The following KIAA0825 variants were observed in gnomAD, a reference collection of about 807,000 sequenced individuals.
The protein encoded by KIAA0825 is uncharacterized protein KIAA0825.
Under a neutral mutation model 147.6 loss-of-function variants are expected in KIAA0825, and 119 were observed. The ratio of observed to expected loss-of-function variants is 0.81; its 90% CI spans 0.69 to 0.94. The LOEUF (loss-of-function observed/expected upper bound fraction) is 0.94. KIAA0825 is among the 40% of genes least tolerant of loss of function. The pLI, the probability that KIAA0825 is intolerant of heterozygous loss-of-function variation, is 0.00. For synonymous variants in KIAA0825, 470 were observed against 518.1 expected (o/e 0.91, Z 1.26); for missense variants, 1,381 against 1,472.7 (o/e 0.94, Z 1.02).
intron 15 of KIAA0825, chr5:94,416,183 C>T (rs1170937603): frequency 6.6e-6 from 1 of 152,088 alleles, no homozygotes; most frequent in Non-Finnish European, 1.5e-5. Flanking sequence ...ATTACAGAAA[C>T]TTTAAATGAC....
intron 3 of KIAA0825, among the ~76,000 whole-genome samples, chr5:94,527,003 T>C (rs1287114879): frequency 5.3e-5 from 8 of 151,988 alleles, no homozygotes; most frequent in Non-Finnish European, 1.2e-4. Context: ...TTAAGAACAT[T>C]AGTAGAATCA....
chr5:94,315,163 TAATA>T (rs1355768849), intron 20 of KIAA0825, among the ~76,000 whole-genome samples: 1 of 151,764 alleles, frequency 6.6e-6, no homozygotes, highest in Non-Finnish European at 1.5e-5. Context: ...GTGTTTTAAA[TAATA>T]AATTAGCCTA....
At chr5:94,205,201 T>C in intron 20 of KIAA0825, among the ~76,000 whole-genome samples, 1 of 149,524 alleles carries the variant, frequency 6.7e-6, no homozygotes, top group East Asian at 1.9e-4. Context: ...TATCTGTGGG[T>C]ATGTGTAATT....
intron 13 of KIAA0825, among the ~76,000 whole-genome samples, chr5:94,452,099 T>A (rs1758487050): frequency 1.3e-5 from 2 of 152,208 alleles, no homozygotes. Flanking sequence ...GTAAATGAGG[T>A]AATAACAATA....
chr5:94,346,145 G>A (rs979330452), intron 20 of KIAA0825, among the ~76,000 whole-genome samples: 7 of 152,076 alleles, frequency 4.6e-5, no homozygotes, highest in Non-Finnish European at 1.0e-4. Context: ...CAGAAATTGG[G>A]ATAAGACAAT....
At chr5:94,379,361 AT>A (rs1748047501) in intron 20 of KIAA0825, among the ~76,000 whole-genome samples, 1 of 152,148 alleles carries the variant, frequency 6.6e-6, no homozygotes, top group South Asian at 2.1e-4. Flanking sequence ...TGAATAGTGA[AT>A]TCTTTACCCA....
intron 13 of KIAA0825, among the ~76,000 whole-genome samples, chr5:94,445,021 G>A (rs2150869056): frequency 6.6e-6 from 1 of 152,230 alleles, no homozygotes; most frequent in South Asian, 2.1e-4. Flanking sequence ...ATCTTACACG[G>A]CAGCAACGCT....
intron 6 of KIAA0825, among the ~76,000 whole-genome samples, chr5:94,477,465 A>G (rs1762021679): frequency 6.6e-6 from 1 of 152,014 alleles, no homozygotes; most frequent in East Asian, 1.9e-4. Context: ...TCTACATCCC[A>G]ATTACATTCA....
At chr5:94,579,577 C>A (rs943393622) in intron 2 of KIAA0825, among the ~76,000 whole-genome samples, 1 of 152,172 alleles carries the variant, frequency 6.6e-6, no homozygotes, top group Non-Finnish European at 1.5e-5. Context: ...AAGTTAGAAC[C>A]ACTACCCAGC....
intron 7 of KIAA0825, among the ~76,000 whole-genome samples, chr5:94,476,205 A>T (rs1057455097): frequency 2.0e-5 from 3 of 152,188 alleles, no homozygotes; most frequent in African/African-American, 7.2e-5. Context: ...GTCAGGGTCC[A>T]TTCAAAAAGC....
chr5:94,348,022 T>C (rs1584204965), intron 20 of KIAA0825, among the ~76,000 whole-genome samples: 1 of 151,972 alleles, frequency 6.6e-6, no homozygotes, highest in Admixed American at 6.6e-5. Context: ...AGCAATAGAA[T>C]TAAAGAAGTA....
At chr5:94,528,138 C>T (rs986300134) in intron 3 of KIAA0825, among the ~76,000 whole-genome samples, 3 of 152,146 alleles carry the variant, frequency 2.0e-5, no homozygotes, top group Admixed American at 6.6e-5. Flanking sequence ...GTTGTAATTA[C>T]ACTTTCAGGA....
chr5:94,524,166 A>G, intron 3 of KIAA0825, 68 bp from the exon 4 acceptor site: 1 of 986,058 alleles, frequency 1.0e-6, no homozygotes, highest in Non-Finnish European at 1.5e-6. Context: ...ATAATATCAC[A>G]GGCCCTGAAA....
At chr5:94,489,570 TAA>T (rs200850265) in intron 5 of KIAA0825, among the ~76,000 whole-genome samples, 10 of 119,410 alleles carry the variant, frequency 8.4e-5, no homozygotes, top group Non-Finnish European at 8.9e-5. Flanking sequence ...ACCAGTGACT[TAA>T]AAAAAAAAAA....
At chr5:94,530,694 C>T (rs1301798556) in intron 3 of KIAA0825, among the ~76,000 whole-genome samples, 1 of 152,122 alleles carries the variant, frequency 6.6e-6, no homozygotes, top group Non-Finnish European at 1.5e-5. Context: ...AGGCACCACC[C>T]AACATGAAAG....
At chr5:94,504,539 T>A (rs1765481940) in intron 5 of KIAA0825, among the ~76,000 whole-genome samples, 1 of 152,184 alleles carries the variant, frequency 6.6e-6, no homozygotes, top group Non-Finnish European at 1.5e-5. Flanking sequence ...TGGTATTAAA[T>A]ATTCTTATTT....
At chr5:94,287,956 G>T (rs1372814288) in intron 20 of KIAA0825, among the ~76,000 whole-genome samples, 1 of 152,058 alleles carries the variant, frequency 6.6e-6, no homozygotes, top group Admixed American at 6.6e-5. Flanking sequence ...CTCTTGAGGA[G>T]GGTCCTAGAG....
chr5:94,185,660 A>G lies in KIAA0825; in HGVS notation c.3711-31536T>C, dbSNP rs374877808. On this transcript the variant is annotated intron_variant, in intron 20 of 20. Transcript: ENST00000682413. ...AGGCTTGCCAGTTCATAATGTATGG[A>G]GTACATGTTCTGGATACACATAGAT... is the stretch of plus-strand genomic sequence containing the variant. 7.9e-5 allele frequency among the ~76,000 whole-genome samples: 12 copies of G among 152,310 alleles called. No individual in the cohort carries two copies. In the East Asian group the frequency reaches 1.7e-3, roughly 22 times the overall value.
intron 20 of KIAA0825, among the ~76,000 whole-genome samples, chr5:94,337,987 T>G (rs1413658229): frequency 6.6e-6 from 1 of 152,178 alleles, no homozygotes; most frequent in Admixed American, 6.5e-5. Context: ...GAGATGATGG[T>G]ACCTTACACT....
Sources: gnomAD v4.1 joint callset for allele counts (sites outside exome capture counted in the v4.1 genomes callset) on GRCh38, gnomAD v4.1.1 for gene constraint, MANE v1.5 for transcripts, NCBI Gene and HGNC (gene_info 2026-07-23, HGNC 2026-07-21) for gene names.